The following AKAP8L variants were observed in gnomAD, a reference collection of about 807,000 sequenced individuals.
The protein encoded by AKAP8L is A-kinase anchoring protein 8 like, also known as A-kinase anchor protein 8-like.
In AKAP8L, 34 loss-of-function variants were observed where a neutral mutation model predicts 77.5. That is an observed-to-expected ratio of 0.44 (90% CI 0.33 to 0.58). The LOEUF is 0.58. Among genes scored for constraint, AKAP8L ranks in the 20% least tolerant of loss-of-function variants. The probability of loss-of-function intolerance (pLI) is 0.02; values close to 1 mark genes in which losing one functional copy is unlikely to be tolerated. For missense variants in AKAP8L, 806 were observed against 887.6 expected (o/e 0.91, Z 1.17); for synonymous variants, 342 against 340.7 (o/e 1.00, Z -0.04).
In AKAP8L at chr19:15,418,959, T is replaced by C. The variant is rs1264889373; in HGVS notation, c.-36A>G. The C allele has an allele frequency of 3.1e-6, 5 of 1,604,022 alleles. No individual in the cohort carries two copies. Among genetic ancestry groups the C allele is most frequent in the Admixed American group, 1.7e-5 (1 of 59,978 alleles). ...AACACAACATCCGACGACGCCGGCT[T>C]CTGCTGCTCTGAACATCCGACGCTG... On this transcript the variant is annotated 5_prime_UTR_variant, in exon 1 of 14. Coordinates refer to ENST00000397410, the MANE Select transcript of AKAP8L (RefSeq NM_014371.4).
At chr19:15,387,347 G>A (rs1371595827) in intron 12 of AKAP8L, among the ~76,000 whole-genome samples, 1 of 152,176 alleles carries the variant, frequency 6.6e-6, no homozygotes, top group Non-Finnish European at 1.5e-5. Flanking sequence ...GGAACTGACT[G>A]ACTTCACTGG....
chr19:15,400,874 A>C lies in AKAP8L; in HGVS notation c.914-10T>G. 1 of 1,613,926 alleles carries C rather than the reference A, an allele frequency of 6.2e-7. No individual in the cohort carries two copies. ...CCCTCGGTGCCCTCATCTGAAAGGG[A>C]AAAGGAGGTAAGCTCAACCCAGGAG... On this transcript the variant is annotated splice_polypyrimidine_tract_variant and intron_variant, in intron 6 of 13. Transcript: ENST00000397410.
intron 7 of AKAP8L, 184 bp from the exon 8 acceptor site, chr19:15,400,542 GCCCGGC>G (rs1275773996): frequency 1.4e-6 from 1 of 723,222 alleles, no homozygotes; most frequent in East Asian, 2.7e-5. Context: ...AAATGACAAG[GCCCGGC>G]TATGTGCCAG....
At position 15,401,222 on chromosome 19, in the gene AKAP8L, A is replaced by G; in HGVS notation, c.744T>C (p.Phe248=). 6.2e-7 allele frequency: 1 copy of G among 1,613,104 alleles called. No homozygotes were observed. Among genetic ancestry groups the G allele is most frequent in the Non-Finnish European group, 8.5e-7 (1 of 1,179,400 alleles). The change falls in exon 5 of 14, where the codon TTT becomes TTC. Residue 248 remains phenylalanine (F), a synonymous_variant. Transcript: ENST00000397410. This position sits in a 1 kb window ranked among gnomAD's most constrained non-coding sequence, Gnocchi z 6.2. Reference sequence around the variant, plus strand: ...TCATGCCATTGCCAAACCCGAAACCAAAGCGGGAGCCGCCCGGGAAGGCGC... The same window carrying G: ...TCATGCCATTGCCAAACCCGAAACCGAAGCGGGAGCCGCCCGGGAAGGCGC... ...GGGAFPGGSR[F]GFGFGNGMKQ...
rs1967976608 is a variant in AKAP8L at position 15,405,401 on chromosome 19, T to C, written c.89-1359A>G. Among the ~76,000 whole-genome samples the C allele has an allele frequency of 2.0e-5, 3 of 151,478 alleles. No individual in the cohort carries two copies. The South Asian group carries it at 6.2e-4, about 32-fold the overall frequency. ...ATACAAAATTAGCCAGGCGTGGTGG[T>C]GCACACCTGTAGTCCCAGCTACTCA... On this transcript the variant is annotated intron_variant, in intron 2 of 13. Transcript: ENST00000397410.
chr19:15,405,590 G>A (rs1217180934), intron 2 of AKAP8L, among the ~76,000 whole-genome samples: 2 of 151,844 alleles, frequency 1.3e-5, no homozygotes, highest in Non-Finnish European at 2.9e-5. Flanking sequence ...ACCTGGCCAA[G>A]TGACTGTTTG....
At chr19:15,418,861 TC>T (rs1968271537) in intron 1 of AKAP8L, 49 bp downstream of exon 1, 4 of 1,571,930 alleles carry the variant, frequency 2.5e-6, no homozygotes, top group Non-Finnish European at 2.6e-6. Context: ...CATCCGCACG[TC>T]CCTGTCCCAT....
Position 15,401,606 on chromosome 19 carries a change from G to A in AKAP8L, c.363-3C>T. 1.3e-6 allele frequency: 2 copies of A among 1,575,108 alleles called. No individual in the cohort carries two copies. Among genetic ancestry groups the A allele is most frequent in the Non-Finnish European group, 1.7e-6 (2 of 1,161,212 alleles). ...CGCAGGACTCATAAGAGTCATACCTGCAGAGGCATGGGGTGAGCATCAGGT... is the reference window on the plus strand; with the variant it reads ...CGCAGGACTCATAAGAGTCATACCTACAGAGGCATGGGGTGAGCATCAGGT... On this transcript the variant is annotated splice_polypyrimidine_tract_variant and splice_region_variant and intron_variant, in intron 4 of 13. Coordinates refer to ENST00000397410, the MANE Select transcript of AKAP8L (RefSeq NM_014371.4). This position sits in a 1 kb window ranked among gnomAD's most constrained non-coding sequence, Gnocchi z 6.2.
At chr19:15,380,861 G>A (rs1967397439) in intron 12 of AKAP8L, 1 of 520,414 alleles carries the variant, frequency 1.9e-6, no homozygotes, top group South Asian at 2.7e-5. Flanking sequence ...TAACTTTACG[G>A]CTGTATTACA....
Position 15,399,305 on chromosome 19 carries a change from TCCA to T in AKAP8L, c.1151_1153del (p.Val384del). The T allele has an allele frequency of 6.2e-7, 1 of 1,613,248 alleles. No homozygotes were observed. The highest frequency in any genetic ancestry group is 8.5e-7 in the Non-Finnish European group (1 of 1,179,310). ...GGGGTGGAGGGAAGCTGGTTACCTT[TCCA>T]CCATGCGGTCTCGCTGCCGCTTTTT... On this transcript the variant is annotated inframe_deletion, in exon 9 of 14. Transcript: ENST00000397410. The surrounding 1 kb of genome is among the most constrained non-coding windows in gnomAD (Gnocchi z 6.1).
intron 12 of AKAP8L, among the ~76,000 whole-genome samples, chr19:15,392,088 C>A (rs1341653177): frequency 6.6e-6 from 1 of 152,256 alleles, no homozygotes; most frequent in African/African-American, 2.4e-5. Context: ...CCCACCTTCA[C>A]CTCCTAAAGT....
At chr19:15,407,473 A>G (rs953414176) in intron 2 of AKAP8L, among the ~76,000 whole-genome samples, 2 of 152,222 alleles carry the variant, frequency 1.3e-5, no homozygotes, top group Admixed American at 6.5e-5. Context: ...TGTGTATGTA[A>G]AAAAATCTCA....
At chr19:15,384,147 G>C (rs1433190251) in intron 12 of AKAP8L, among the ~76,000 whole-genome samples, 1 of 151,530 alleles carries the variant, frequency 6.6e-6, no homozygotes, top group African/African-American at 2.4e-5. Context: ...TGGCCAGGCT[G>C]GTCTTGAACT....
At chr19:15,391,604 T>A (rs1374124709) in intron 12 of AKAP8L, among the ~76,000 whole-genome samples, 1 of 147,466 alleles carries the variant, frequency 6.8e-6, no homozygotes, top group Non-Finnish European at 1.5e-5. Context: ...AGTGGTGCGA[T>A]CTCAGCTCAC....
At chr19:15,390,756 G>A (rs1967643682) in intron 12 of AKAP8L, among the ~76,000 whole-genome samples, 1 of 152,034 alleles carries the variant, frequency 6.6e-6, no homozygotes, top group Non-Finnish European at 1.5e-5. Flanking sequence ...GGGACACAAG[G>A]GTGTTTTATA....
At position 15,401,192 on chromosome 19, in the gene AKAP8L, C is replaced by T; in HGVS notation, c.774G>A (p.Gln258=). 1 of 1,610,760 alleles carries T rather than the reference C, an allele frequency of 6.2e-7. No homozygotes were observed. The highest frequency in any genetic ancestry group is 2.2e-5 in the East Asian group (1 of 44,836). The change falls in exon 5 of 14, where the codon CAG becomes CAA. Residue 258 remains glutamine, a synonymous_variant. Transcript: ENST00000397410. The surrounding 1 kb of genome is among the most constrained non-coding windows in gnomAD (Gnocchi z 6.2). ...TCCAGGTCTTCCAGGTCCGCCTCAT[C>T]TGCTTCATGCCATTGCCAAACCCGA... is the stretch of plus-strand genomic sequence containing the variant. ...FGFGFGNGMK[Q]MRRTWKTWTT... is the part of the protein sequence containing the mutation.
At chr19:15,395,920 C>G (rs1415901200) in intron 12 of AKAP8L, among the ~76,000 whole-genome samples, 1 of 127,558 alleles carries the variant, frequency 7.8e-6, no homozygotes, top group Non-Finnish European at 1.6e-5. Flanking sequence ...GGAGGCGGAG[C>G]TTGCAGTGAG....
intron 4 of AKAP8L, among the ~76,000 whole-genome samples, chr19:15,402,072 C>T (rs1173271479): frequency 1.3e-5 from 2 of 152,202 alleles, no homozygotes; most frequent in Non-Finnish European, 2.9e-5. Context: ...TCTTGTCCCT[C>T]ATGGCTGGGG....
intron 12 of AKAP8L, among the ~76,000 whole-genome samples, chr19:15,390,345 AG>A (rs1231158729): frequency 6.8e-6 from 1 of 147,096 alleles, no homozygotes; most frequent in East Asian, 2.1e-4. Flanking sequence ...CCTGAGCCTG[AG>A]AGGTGGAGGT....
Sources: allele counts gnomAD v4.1 joint callset (sites outside exome capture counted in the v4.1 genomes callset), GRCh38; gene constraint gnomAD v4.1.1; non-coding constraint Gnocchi (gnomAD v3.1); transcripts MANE v1.5; gene names NCBI Gene and HGNC (gene_info 2026-07-23, HGNC 2026-07-21).